POU2F3: variants seen among roughly 807,000 people sequenced by gnomAD.
POU2F3 encodes the protein POU domain, class 2, transcription factor 3.
POU2F3 carries 23 observed loss-of-function variants against 59.2 expected under a neutral mutation model. The observed-to-expected ratio is 0.39, with a 90% CI of 0.28 to 0.55. The LOEUF is 0.55. Among genes scored for constraint, POU2F3 ranks in the 20% least tolerant of loss-of-function variants. The pLI is 0.66. For synonymous variants in POU2F3, 190 were observed against 214.6 expected (o/e 0.89, Z 1.00); for missense variants, 473 against 544.5 (o/e 0.87, Z 1.31).
In POU2F3 at chr11:120,254,349, G is replaced by A. The variant is rs148504611; in HGVS notation, c.97+7832G>A. Reference sequence around the variant, plus strand: ...CATACACTTCAGACCCCAGAGTTGGGGGTGCACCTAGAGGCAGTCTCTTTT... The same window carrying A: ...CATACACTTCAGACCCCAGAGTTGGAGGTGCACCTAGAGGCAGTCTCTTTT... On this transcript the variant is annotated intron_variant, in intron 2 of 12. Transcript: ENST00000543440. 5.7e-3 allele frequency among the ~76,000 whole-genome samples: 867 copies of A among 152,312 alleles called. 9 individuals carry two copies. Among genetic ancestry groups the A allele is most frequent in the African/African-American group, 0.019 (783 of 41,564 alleles).
intron 1 of POU2F3, among the ~76,000 whole-genome samples, chr11:120,241,136 G>T (rs191597270): frequency 1.6e-3 from 251 of 152,328 alleles, no homozygotes; most frequent in Admixed American, 3.3e-3. Flanking sequence ...GGCTTGGCTT[G>T]GGGCTTCCTG....
Position 120,249,262 on chromosome 11 carries a change from T to C in POU2F3, c.97+2745T>C, listed in dbSNP as rs111681706. 4.9e-3 allele frequency among the ~76,000 whole-genome samples: 749 copies of C among 152,356 alleles called. 4 individuals carry two copies. The highest frequency in any genetic ancestry group is 0.017 in the African/African-American group (716 of 41,586). ...ACCAGCCAAAGCTCAGAGCCCCTGT[T>C]CAGTACTCTTTCCTCTTTCTAGATT... On this transcript the variant is annotated intron_variant, in intron 2 of 12. Transcript: ENST00000543440.
Position 120,318,266 on chromosome 11 carries a change from C to A in POU2F3, c.1272-87C>A, listed in dbSNP as rs557804753. ...TTTTTATTACTCCTACCTGCAAAAG[C>A]CCCTGTACCTGCTAGCAGTCACTCC... On this transcript the variant is annotated intron_variant, in intron 12 of 12. Transcript: ENST00000543440. 8.4e-5 allele frequency: 108 copies of A among 1,292,954 alleles called. No individual in the cohort carries two copies. In the Admixed American group the frequency reaches 1.1e-3, roughly 13 times the overall value. 80.1% of individuals were successfully genotyped at this position (1,292,954 alleles called of 1,614,324 possible).
intron 10 of POU2F3, among the ~76,000 whole-genome samples, chr11:120,313,497 TGA>T (rs566618392): frequency 3.9e-4 from 60 of 152,332 alleles, no homozygotes; most frequent in African/African-American, 1.4e-3. Context: ...TGGGTCTCAT[TGA>T]GACAGTCCCT....
chr11:120,309,334 A>G, intron 9 of POU2F3, 91 bp from the exon 10 acceptor site: 1 of 1,338,134 alleles, frequency 7.5e-7, no homozygotes, highest in Admixed American at 1.9e-5. Context: ...CTTTTGATCC[A>G]TGTATAGTTG....
chr11:120,259,079 C>T (rs1939485512), intron 2 of POU2F3: 1 of 152,232 alleles, frequency 6.6e-6, no homozygotes, highest in Non-Finnish European at 1.5e-5. Context: ...CTCCTCTGTC[C>T]CCTGTGGCAT....
At position 120,299,707 on chromosome 11, in the gene POU2F3, G is replaced by A; in HGVS notation, c.342G>A (p.Gln114=). 6.2e-7 allele frequency: 1 copy of A among 1,613,066 alleles called. No homozygotes were observed. Among genetic ancestry groups the A allele is most frequent in the Non-Finnish European group, 8.5e-7 (1 of 1,179,944 alleles). The change falls in exon 5 of 13, where the codon CAG becomes CAA. Residue 114 remains glutamine (Q), a synonymous_variant. Transcript: ENST00000543440. ...LQSVSQFLLS[Q]TQPGQQGLQP... is the part of the protein sequence containing the mutation. ...CTGTATCCCAGTTCCTGCTATCTCA[G>A]ACCCAGCCTGGGCAGCAAGGTAAGA...
At chr11:120,248,440 G>C (rs1040657891) in intron 2 of POU2F3, among the ~76,000 whole-genome samples, 1 of 152,196 alleles carries the variant, frequency 6.6e-6, no homozygotes, top group East Asian at 1.9e-4. Context: ...CAAGCCCTTA[G>C]CACAGTGCTT....
In POU2F3 at chr11:120,269,217, T is replaced by C. The variant is rs1186617850; in HGVS notation, c.105T>C (p.Asp35=). The change falls in exon 3 of 13, where the codon GAT becomes GAC. Residue 35 remains aspartate (D), a synonymous_variant. Coordinates refer to ENST00000543440, the MANE Select transcript of POU2F3 (RefSeq NM_014352.4). The part of the protein sequence containing the change: ...STLSQVEPGN[D]RNGLDFNRQI... ...TATTTTTATCTTTTCTAGGAAATGA[T>C]CGAAATGGCCTAGATTTCAACAGGC... 4 of 1,587,564 alleles carry C rather than the reference T, an allele frequency of 2.5e-6. No homozygotes were observed. In the East Asian group the frequency reaches 8.9e-5, roughly 35 times the overall value.
intron 9 of POU2F3, among the ~76,000 whole-genome samples, chr11:120,308,849 G>A (rs748970623): frequency 4.3e-5 from 6 of 140,888 alleles, no homozygotes; most frequent in Non-Finnish European, 7.6e-5. Flanking sequence ...GAAGCAGAGA[G>A]AATTGCTTGA....
At chr11:120,312,244 C>T (rs1941667521) in intron 10 of POU2F3, among the ~76,000 whole-genome samples, 1 of 152,164 alleles carries the variant, frequency 6.6e-6, no homozygotes, top group African/African-American at 2.4e-5. Flanking sequence ...CTGCCTCAGC[C>T]TCCTGAGTAG....
intron 3 of POU2F3, among the ~76,000 whole-genome samples, chr11:120,284,821 G>T (rs1280610049): frequency 6.6e-6 from 1 of 152,140 alleles, no homozygotes; most frequent in Non-Finnish European, 1.5e-5. Context: ...GACTTTTAGG[G>T]CTAATGGGTC....
At chr11:120,307,839 C>T (rs2135120735) in intron 9 of POU2F3, among the ~76,000 whole-genome samples, 1 of 152,276 alleles carries the variant, frequency 6.6e-6, no homozygotes, top group Middle Eastern at 3.4e-3. Context: ...CCCTTCTTGC[C>T]CTGACATCTA....
At chr11:120,309,294 C>T in intron 9 of POU2F3, 131 bp from the exon 10 acceptor site, 1 of 913,198 alleles carries the variant, frequency 1.1e-6, no homozygotes, top group South Asian at 2.2e-5. Context: ...GTGAAAAAGC[C>T]AGTATTTCAT....
At chr11:120,299,990 C>T (rs944235822) in intron 5 of POU2F3, among the ~76,000 whole-genome samples, 2 of 152,064 alleles carry the variant, frequency 1.3e-5, no homozygotes, top group African/African-American at 4.8e-5. Context: ...TGAGTGGAGA[C>T]GGAAGGTGCA....
chr11:120,293,526 A>T (rs1941099607), intron 3 of POU2F3, among the ~76,000 whole-genome samples: 1 of 152,178 alleles, frequency 6.6e-6, no homozygotes, highest in Admixed American at 6.5e-5. Context: ...AAGAAAAAAA[A>T]ATCTTGCCTG....
At chr11:120,256,040 G>A (rs1161574536) in intron 2 of POU2F3, 1 of 152,222 alleles carries the variant, frequency 6.6e-6, no homozygotes, top group African/African-American at 2.4e-5. Context: ...TTCGGCTGGA[G>A]TTTGTGCATA....
At chr11:120,270,635 G>A (rs1181658003) in intron 3 of POU2F3, among the ~76,000 whole-genome samples, 1 of 152,116 alleles carries the variant, frequency 6.6e-6, no homozygotes, top group Non-Finnish European at 1.5e-5. Context: ...TAGGATGGGG[G>A]CTGGAGATCA....
At chr11:120,312,776 C>T (rs1326664599) in intron 10 of POU2F3, among the ~76,000 whole-genome samples, 1 of 152,106 alleles carries the variant, frequency 6.6e-6, no homozygotes, top group Non-Finnish European at 1.5e-5. Context: ...AGAAGAGGTA[C>T]GATATTTGAG....
Sources: allele counts gnomAD v4.1 joint callset (sites outside exome capture counted in the v4.1 genomes callset), GRCh38; gene constraint gnomAD v4.1.1; transcripts MANE v1.5; gene names NCBI Gene and HGNC (gene_info 2026-07-23, HGNC 2026-07-21).